ZC3H7B: variants seen among roughly 807,000 people sequenced by gnomAD.
ZC3H7B encodes zinc finger CCCH domain-containing protein 7B.
ZC3H7B carries 35 observed loss-of-function variants against 116.0 expected under a neutral mutation model. That is an observed-to-expected ratio of 0.30 (90% CI 0.23 to 0.40). The LOEUF is 0.40. Among genes scored for constraint, ZC3H7B ranks in the 10% least tolerant of loss-of-function variants. The pLI, the probability that ZC3H7B is intolerant of heterozygous loss-of-function variation, is 1.00. For missense variants in ZC3H7B, 1,011 were observed against 1,321.5 expected (o/e 0.77, Z 3.64); for synonymous variants, 502 against 545.6 (o/e 0.92, Z 1.11).
At position 41,355,979 on chromosome 22, in the gene ZC3H7B, G is replaced by A. The variant is rs1271723038; in HGVS notation, c.2300G>A (p.Arg767His). 8.3e-6 allele frequency: 13 copies of A among 1,566,784 alleles called. No individual in the cohort carries two copies. The highest frequency in any genetic ancestry group is 2.4e-5 in the South Asian group (2 of 83,942). The change falls in exon 20 of 23, where the codon CGC (arginine) becomes CAC (histidine). Residue 767 changes from arginine (R) to histidine (H), a missense_variant. Transcript: ENST00000352645. Reference protein sequence around the residue: ...YDLCIHAQNGRKCQYVGNCSF... With the variant: ...YDLCIHAQNGHKCQYVGNCSF... ...CTCTGCATCCATGCACAGAACGGCC[G>A]CAAGTGCCAATATGTGGGGAACTGC...
chr22:41,344,432 C>T (rs915593532), intron 13 of ZC3H7B, among the ~76,000 whole-genome samples: 3 of 152,204 alleles, frequency 2.0e-5, no homozygotes, highest in African/African-American at 4.8e-5. Flanking sequence ...CCCGTATCCA[C>T]CCCCTCACCC....
intron 7 of ZC3H7B, chr22:41,336,169 T>C (rs1390761763): frequency 1.3e-5 from 2 of 152,172 alleles, no homozygotes; most frequent in Admixed American, 6.6e-5. Flanking sequence ...AGCCTGGAGG[T>C]TGGAGTGTGG....
rs971500468 is a variant in ZC3H7B, at chr22:41,357,998, A to C, written c.*569A>C. On this transcript the variant is annotated 3_prime_UTR_variant, in exon 23 of 23. Transcript: ENST00000352645. This position sits in a 1 kb window ranked among gnomAD's most constrained non-coding sequence, Gnocchi z 5.4. ...GGAAGGCTGGGAGGAGGTGGGCTAGATGATCTTTGGAGCTTAAGGAGTCCC... is the reference window on the plus strand; with the variant it reads ...GGAAGGCTGGGAGGAGGTGGGCTAGCTGATCTTTGGAGCTTAAGGAGTCCC... 6.3e-6 allele frequency: 1 copy of C among 158,008 alleles called. No homozygotes were observed. Among genetic ancestry groups the C allele is most frequent in the African/African-American group, 2.4e-5 (1 of 41,468 alleles). 9.8% of individuals were successfully genotyped at this position (158,008 alleles called of 1,614,324 possible). A position where few individuals can be genotyped will look rare whatever the true frequency, so the allele number is the denominator to read the frequency against.
chr22:41,305,069 G>A (rs1014506163), intron 1 of ZC3H7B, among the ~76,000 whole-genome samples: 4 of 152,100 alleles, frequency 2.6e-5, no homozygotes, highest in Admixed American at 6.6e-5. Context: ...AAAATTGGCC[G>A]GCTGCGGTGG....
chr22:41,326,717 C>T (rs1601775386), intron 4 of ZC3H7B, among the ~76,000 whole-genome samples: 1 of 152,340 alleles, frequency 6.6e-6, no homozygotes, highest in Non-Finnish European at 1.5e-5. Context: ...GGCTCTGCTG[C>T]AGGCTCTCTA....
chr22:41,326,744 C>T (rs2036324579), intron 4 of ZC3H7B, among the ~76,000 whole-genome samples: 1 of 152,226 alleles, frequency 6.6e-6, no homozygotes, highest in African/African-American at 2.4e-5. Flanking sequence ...CCCATGACAC[C>T]TCTGCCATCC....
At chr22:41,341,329 G>A (rs1255090114) in intron 11 of ZC3H7B, among the ~76,000 whole-genome samples, 183 bp downstream of exon 11, 2 of 152,160 alleles carry the variant, frequency 1.3e-5, no homozygotes, top group African/African-American at 2.4e-5. Flanking sequence ...TATGCTGGGC[G>A]GGCACACAGA....
At chr22:41,307,935 G>A (rs2036067247) in intron 1 of ZC3H7B, among the ~76,000 whole-genome samples, 1 of 152,128 alleles carries the variant, frequency 6.6e-6, no homozygotes, top group Non-Finnish European at 1.5e-5. Context: ...TATCAATCTG[G>A]AAATCCTAAC....
At chr22:41,315,303 A>C (rs1359708460) in intron 1 of ZC3H7B, among the ~76,000 whole-genome samples, 1 of 150,520 alleles carries the variant, frequency 6.6e-6, no homozygotes, top group African/African-American at 2.4e-5. Flanking sequence ...CAGCTTCCTG[A>C]GTAGATGGGA....
Position 41,356,729 on chromosome 22 carries a change from GAGA to G in ZC3H7B, c.2605_2607del (p.Lys869del), listed in dbSNP as rs996954558. 1 of 1,613,696 alleles carries G rather than the reference GAGA, an allele frequency of 6.2e-7. No individual in the cohort carries two copies. The highest frequency in any genetic ancestry group is 8.5e-7 in the Non-Finnish European group (1 of 1,180,008). Reference sequence around the variant, plus strand: ...GCACATCCAGTCCGAGAAGCACAAGGAGAAGGTCTTCACGTCCGACAGTGACGC... The same window carrying G: ...GCACATCCAGTCCGAGAAGCACAAGGAGGTCTTCACGTCCGACAGTGACGC... On this transcript the variant is annotated inframe_deletion, in exon 22 of 23. Transcript: ENST00000352645.
rs943225922 is a variant in ZC3H7B, at chr22:41,351,134, C to G, written c.1949-427C>G. On this transcript the variant is annotated intron_variant, in intron 16 of 22. Transcript: ENST00000352645. This position sits in a 1 kb window ranked among gnomAD's most constrained non-coding sequence, Gnocchi z 5.1. ...TACCACAGTGAACCGGTGAGCCAGGCTGGGCAGGCATGGAGCCCTAAGTGC... is the reference window on the plus strand; with the variant it reads ...TACCACAGTGAACCGGTGAGCCAGGGTGGGCAGGCATGGAGCCCTAAGTGC... 6.6e-5 allele frequency among the ~76,000 whole-genome samples: 10 copies of G among 152,190 alleles called. No individual in the cohort carries two copies. The highest frequency in any genetic ancestry group is 1.3e-4 in the Non-Finnish European group (9 of 68,032).
At chr22:41,320,589 AGTG>A in intron 1 of ZC3H7B, 63 bp from the exon 2 acceptor site, 1 of 1,583,030 alleles carries the variant, frequency 6.3e-7, no homozygotes, top group Non-Finnish European at 8.7e-7. Flanking sequence ...GGACCCACGA[AGTG>A]GTGGTGGCTG....
At position 41,346,865 on chromosome 22, in the gene ZC3H7B, AG is replaced by A. The variant is rs2036592241; in HGVS notation, c.1665+659del. On this transcript the variant is annotated intron_variant, in intron 14 of 22. Transcript: ENST00000352645. The surrounding 1 kb of genome is among the most constrained non-coding windows in gnomAD (Gnocchi z 5.3). ...CCCGTCCCAGTTACTCAGGAGGCTAAGGTGGGAGGATTGATTGCTTGCGTCC... is the reference window on the plus strand; with the variant it reads ...CCCGTCCCAGTTACTCAGGAGGCTAAGTGGGAGGATTGATTGCTTGCGTCC... Among the ~76,000 whole-genome samples the A allele has an allele frequency of 6.6e-6, 1 of 151,756 alleles. No individual in the cohort carries two copies. The highest frequency in any genetic ancestry group is 2.4e-5 in the African/African-American group (1 of 41,258).
intron 13 of ZC3H7B, among the ~76,000 whole-genome samples, chr22:41,345,120 G>C (rs769794564): frequency 6.6e-6 from 1 of 151,892 alleles, no homozygotes; most frequent in Non-Finnish European, 1.5e-5. Flanking sequence ...CAGCGCCCCC[G>C]CCAGCTTTAT....
intron 9 of ZC3H7B, among the ~76,000 whole-genome samples, chr22:41,339,551 G>A (rs1403443794): frequency 1.3e-5 from 2 of 150,458 alleles, no homozygotes; most frequent in Admixed American, 6.6e-5. Flanking sequence ...GCTTGAACCC[G>A]GGAGGCGGAG....
At chr22:41,353,120 C>T (rs143966931) in intron 17 of ZC3H7B, among the ~76,000 whole-genome samples, 125 of 152,142 alleles carry the variant, frequency 8.2e-4, no homozygotes, top group East Asian at 1.9e-3. Context: ...AGGAGAAATA[C>T]GTTGAGACCT....
chr22:41,311,163 C>T (rs557047204), intron 1 of ZC3H7B, among the ~76,000 whole-genome samples: 1 of 148,598 alleles, frequency 6.7e-6, no homozygotes, highest in Non-Finnish European at 1.5e-5. Context: ...TTGGCATATG[C>T]GTTACACAGA....
Position 41,328,271 on chromosome 22 carries a change from G to A in ZC3H7B, c.444+907G>A, listed in dbSNP as rs568872604. 7.2e-4 allele frequency among the ~76,000 whole-genome samples: 110 copies of A among 152,312 alleles called. 1 individual carries two copies. Among genetic ancestry groups the A allele is most frequent in the African/African-American group, 2.5e-3 (105 of 41,564 alleles). On this transcript the variant is annotated intron_variant, in intron 5 of 22. Coordinates refer to ENST00000352645, the MANE Select transcript of ZC3H7B (RefSeq NM_017590.6). ...GGGCAGGTTTCATCCGCACCACAGC[G>A]GATAGAAAGGAGCTGGGACCCAGTT...
Position 41,327,290 on chromosome 22 carries a change from C to G in ZC3H7B, c.370C>G (p.Arg124Gly), listed in dbSNP as rs749675753. Reference sequence around the variant, plus strand: ...TATCCGGGCGTTGTTCCGCAAGGCACGCGCTCTCAATGAACTGGGACGCCA... The same window carrying G: ...TATCCGGGCGTTGTTCCGCAAGGCAGGCGCTCTCAATGAACTGGGACGCCA... ...ESIRALFRKARALNELGRHKE... is the reference protein window; with the variant it reads ...ESIRALFRKAGALNELGRHKE... The change falls in exon 5 of 23, where the codon CGC becomes GGC. Residue 124 changes from arginine (R) to glycine (G), a missense_variant. By Grantham distance (125) the Arg-to-Gly change is moderately radical. Coordinates refer to ENST00000352645, the MANE Select transcript of ZC3H7B (RefSeq NM_017590.6). This position sits in a 1 kb window ranked among gnomAD's most constrained non-coding sequence, Gnocchi z 4.5. 1 of 1,613,832 alleles carries G rather than the reference C, an allele frequency of 6.2e-7. No individual in the cohort carries two copies. The highest frequency in any genetic ancestry group is 8.5e-7 in the Non-Finnish European group (1 of 1,180,044).
Sources: allele counts gnomAD v4.1 joint callset (sites outside exome capture counted in the v4.1 genomes callset), GRCh38; gene constraint gnomAD v4.1.1; non-coding constraint Gnocchi (gnomAD v3.1); transcripts MANE v1.5; gene names NCBI Gene and HGNC (gene_info 2026-07-23, HGNC 2026-07-21).